Variants in TULP4 observed in about 807,000 individuals in gnomAD.
TULP4 encodes the protein tubby-related protein 4.
In TULP4, 16 loss-of-function variants were observed where a neutral mutation model predicts 129.0. That is an observed-to-expected ratio of 0.12 (90% confidence interval 0.08 to 0.19). TULP4 has a LOEUF of 0.19. Ranked by LOEUF, TULP4 falls within the 10% of genes least tolerant of loss-of-function variation. The probability of loss-of-function intolerance (pLI) is 1.00; values close to 1 mark genes in which losing one functional copy is unlikely to be tolerated. For synonymous variants in TULP4, 998 were observed against 854.0 expected (o/e 1.17, Z -2.94); for missense variants, 1,842 against 2,059.1 (o/e 0.89, Z 2.04).
At chr6:158,314,658 CT>C (rs1165637234) in intron 1 of TULP4, among the ~76,000 whole-genome samples, 2 of 152,214 alleles carry the variant, frequency 1.3e-5, no homozygotes, top group African/African-American at 4.8e-5. Flanking sequence ...ACCCCCACCC[CT>C]GATGTCCCAC....
Position 158,493,470 on chromosome 6 carries a change from C to G in TULP4, c.1632-103C>G. The stretch of plus-strand genomic sequence containing the variant: ...CACTGGCTGCAGGGTGAGAACCCAA[C>G]ACCCAGGCTGGCTGTCCAGAAAAAG... On this transcript the variant is annotated intron_variant, in intron 9 of 13. Transcript: ENST00000367097. This position sits in a 1 kb window ranked among gnomAD's most constrained non-coding sequence, Gnocchi z 4.4. The G allele has an allele frequency of 7.8e-7, 1 of 1,284,604 alleles. No homozygotes were observed. The highest frequency in any genetic ancestry group is 1.0e-6 in the Non-Finnish European group (1 of 987,606). 79.6% of individuals were successfully genotyped at this position (1,284,604 alleles called of 1,614,324 possible). A position where few individuals can be genotyped will look rare whatever the true frequency, so the allele number is the denominator to read the frequency against.
At chr6:158,286,110 T>A (rs1157569533) in intron 1 of TULP4, among the ~76,000 whole-genome samples, 1 of 152,196 alleles carries the variant, frequency 6.6e-6, no homozygotes, top group Non-Finnish European at 1.5e-5. Flanking sequence ...CTGTAAAAAA[T>A]TAGGAAAATT....
Position 158,493,606 on chromosome 6 carries a change from GC to G in TULP4, c.1669del (p.Arg557GlyfsTer24). ...TTGAGGCCCGCAAGTCACCCAAGCT[GC>G]CCCGGGCTGCTCAGGAGCTCTCCCG... is the stretch of plus-strand genomic sequence containing the variant. ...SIEARKSPKL[P>X]RAAQELSRSP... On this transcript the variant is annotated frameshift_variant, in exon 10 of 14. Coordinates refer to ENST00000367097, the MANE Select transcript of TULP4 (RefSeq NM_020245.5). LOFTEE classifies it high-confidence loss of function. The surrounding 1 kb of genome is among the most constrained non-coding windows in gnomAD (Gnocchi z 4.4). 1 of 1,579,698 alleles carries G rather than the reference GC, an allele frequency of 6.3e-7. No individual in the cohort carries two copies. Among genetic ancestry groups the G allele is most frequent in the Non-Finnish European group, 8.6e-7 (1 of 1,163,260 alleles).
intron 1 of TULP4, among the ~76,000 whole-genome samples, chr6:158,261,115 G>A (rs1032795817): frequency 7.9e-5 from 12 of 152,066 alleles, no homozygotes; most frequent in Admixed American, 5.2e-4. Flanking sequence ...CACTGTGCGC[G>A]GCTGAAAAGT....
At chr6:158,297,928 C>A (rs1370182702) in intron 1 of TULP4, among the ~76,000 whole-genome samples, 5 of 152,184 alleles carry the variant, frequency 3.3e-5, no homozygotes, top group Admixed American at 3.3e-4. Flanking sequence ...GGGCGTATCT[C>A]AGTCCTTATC....
chr6:158,380,894 C>CAAAAAAAAAAAAAAAAA (rs1227720723), intron 1 of TULP4, among the ~76,000 whole-genome samples: 1 of 72,258 alleles, frequency 1.4e-5, no homozygotes, highest in African/African-American at 5.7e-5. Context: ...ACTCTGTCTC[C>CAAAAAAAAAAAAAAAAA]AAAAAAAAAA....
chr6:158,345,883 A>G (rs887654897), intron 1 of TULP4, among the ~76,000 whole-genome samples: 1 of 152,150 alleles, frequency 6.6e-6, no homozygotes, highest in Non-Finnish European at 1.5e-5. Context: ...CCTTATGTCA[A>G]CCGCGTAAGA....
At chr6:158,485,739 A>C (rs1780050782) in intron 8 of TULP4, among the ~76,000 whole-genome samples, 1 of 151,910 alleles carries the variant, frequency 6.6e-6, no homozygotes, top group South Asian at 2.1e-4. Context: ...CAGGATATCA[A>C]ACCAAAGAAG....
At chr6:158,323,580 C>T (rs959025995) in intron 1 of TULP4, among the ~76,000 whole-genome samples, 7 of 152,076 alleles carry the variant, frequency 4.6e-5, no homozygotes, top group African/African-American at 1.2e-4. Context: ...TTTAGGTATT[C>T]CATTACAGGA....
intron 1 of TULP4, among the ~76,000 whole-genome samples, chr6:158,249,213 C>A (rs1778091783): frequency 6.6e-6 from 1 of 151,866 alleles, no homozygotes; most frequent in Non-Finnish European, 1.5e-5. Flanking sequence ...CATTTTTATT[C>A]TTGTTATATT....
At chr6:158,294,865 G>A (rs968075090) in intron 1 of TULP4, among the ~76,000 whole-genome samples, 20 of 152,242 alleles carry the variant, frequency 1.3e-4, no homozygotes, top group African/African-American at 4.1e-4. Context: ...CTGAGTAGCC[G>A]GGACTACAGT....
intron 1 of TULP4, among the ~76,000 whole-genome samples, chr6:158,274,901 C>T (rs761745251): frequency 1.3e-5 from 2 of 152,218 alleles, no homozygotes; most frequent in East Asian, 1.9e-4. Flanking sequence ...TGGTCTTTTC[C>T]GTATCCTCAT....
At chr6:158,306,672 G>A (rs1779221078) in intron 1 of TULP4, among the ~76,000 whole-genome samples, 1 of 152,230 alleles carries the variant, frequency 6.6e-6, no homozygotes, top group East Asian at 1.9e-4. Context: ...AATTATTGAA[G>A]GTCCAAAGGA....
chr6:158,283,565 G>C (rs1778792828), intron 1 of TULP4, among the ~76,000 whole-genome samples: 1 of 152,054 alleles, frequency 6.6e-6, no homozygotes. Flanking sequence ...ATTCAACTTT[G>C]GATCTGTGTG....
At chr6:158,286,023 T>C (rs1450552643) in intron 1 of TULP4, among the ~76,000 whole-genome samples, 1 of 152,228 alleles carries the variant, frequency 6.6e-6, no homozygotes, top group Non-Finnish European at 1.5e-5. Context: ...GAAAACAGAT[T>C]TACTCATCAT....
At chr6:158,448,322 A>G in intron 3 of TULP4, among the ~76,000 whole-genome samples, 1 of 152,174 alleles carries the variant, frequency 6.6e-6, no homozygotes, top group East Asian at 1.9e-4. Context: ...CTAGCGCCTA[A>G]CTCATGGTTT....
rs201761589 is a variant in TULP4, at chr6:158,318,894, T to TA, written c.252+4627dup. Among the ~76,000 whole-genome samples, 2,539 of 103,628 alleles carry TA rather than the reference T, an allele frequency of 0.025. 242 individuals are homozygous for TA. The Admixed American group carries it at 0.25, about 10-fold the overall frequency. The allele number at this position is 103,628 out of a possible 152,430, so 68.0% of individuals were successfully genotyped here. A position where few individuals can be genotyped will look rare whatever the true frequency, so the allele number is the denominator to read the frequency against. ...ACATATGCCACAATGTTCAGCTAGT[T>TA]ACAAATTTTTTTTTTTTTTTTTTTT... On this transcript the variant is annotated intron_variant, in intron 1 of 13. Coordinates refer to ENST00000367097, the MANE Select transcript of TULP4 (RefSeq NM_020245.5).
At position 158,481,201 on chromosome 6, in the gene TULP4, C is replaced by G. The variant is rs376102065; in HGVS notation, c.1398C>G (p.Gly466=). The change falls in exon 8 of 14, where the codon GGC becomes GGG. Residue 466 remains glycine, a synonymous_variant. Transcript: ENST00000367097. ...ACACGCTCTACCTGGAGTACCTGGGCGGGCTTGTGCCCATCCTCAAAGGGC... is the reference window on the plus strand; with the variant it reads ...ACACGCTCTACCTGGAGTACCTGGGGGGGCTTGTGCCCATCCTCAAAGGGC... ...PCYTLYLEYL[G]GLVPILKGRR... 1 of 1,614,102 alleles carries G rather than the reference C, an allele frequency of 6.2e-7. No homozygotes were observed. The highest frequency in any genetic ancestry group is 8.5e-7 in the Non-Finnish European group (1 of 1,180,038).
chr6:158,382,526 G>A (rs888919335), intron 1 of TULP4, among the ~76,000 whole-genome samples: 4 of 152,176 alleles, frequency 2.6e-5, no homozygotes, highest in African/African-American at 9.7e-5. Context: ...GAAAACTTTG[G>A]AGTCCAGCAG....
Sources: gnomAD v4.1 joint callset for allele counts (sites outside exome capture counted in the v4.1 genomes callset) on GRCh38, gnomAD v4.1.1 for gene constraint, Gnocchi (gnomAD v3.1) non-coding constraint, MANE v1.5 for transcripts, NCBI Gene and HGNC (gene_info 2026-07-23, HGNC 2026-07-21) for gene names.